RBM20: variants seen among roughly 807,000 people sequenced by gnomAD.
RBM20 encodes the protein RNA binding motif protein 20, also known as RNA-binding protein 20.
A neutral mutation model predicts 110.1 loss-of-function variants in RBM20; 51 were observed. The ratio of observed to expected loss-of-function variants is 0.46; its 90% CI spans 0.37 to 0.59. The LOEUF is 0.59. Among genes scored for constraint, RBM20 ranks in the 20% least tolerant of loss-of-function variants. The pLI is 0.00. For missense variants in RBM20, 1,512 were observed against 1,574.9 expected (o/e 0.96, Z 0.68); for synonymous variants, 589 against 618.2 (o/e 0.95, Z 0.70).
rs192209152 is a variant in RBM20 at position 110,749,502 on chromosome 10, C to T, written c.192-31299C>T. On this transcript the variant is annotated intron_variant, in intron 1 of 13. Coordinates refer to ENST00000369519, the MANE Select transcript of RBM20 (RefSeq NM_001134363.3). Reference sequence around the variant, plus strand: ...TATCATAAGTAGAATATGATATGTTCGTAGATAGGATAGCTCATTTGTGTA... The same window carrying T: ...TATCATAAGTAGAATATGATATGTTTGTAGATAGGATAGCTCATTTGTGTA... 1.3e-3 allele frequency among the ~76,000 whole-genome samples: 197 copies of T among 152,118 alleles called. 2 individuals carry two copies. The highest frequency in any genetic ancestry group is 4.6e-3 in the African/African-American group (190 of 41,512).
intron 12 of RBM20, among the ~76,000 whole-genome samples, chr10:110,828,104 A>G (rs1394580886): frequency 3.9e-5 from 6 of 152,210 alleles, no homozygotes; most frequent in African/African-American, 1.4e-4. Context: ...TGCAAAGTGC[A>G]AGCTCCCTCC....
Position 110,729,109 on chromosome 10 carries a change from G to A in RBM20, c.192-51692G>A, listed in dbSNP as rs191762857. Reference sequence around the variant, plus strand: ...CATGACAGCAATAATTTCTTCAAGCGTTCTGCTAGGTGTATAAGAAATTCA... The same window carrying A: ...CATGACAGCAATAATTTCTTCAAGCATTCTGCTAGGTGTATAAGAAATTCA... On this transcript the variant is annotated intron_variant, in intron 1 of 13. Coordinates refer to ENST00000369519, the MANE Select transcript of RBM20 (RefSeq NM_001134363.3). Among the ~76,000 whole-genome samples, 24 of 152,266 alleles carry A rather than the reference G, an allele frequency of 1.6e-4. No homozygotes were observed. In the East Asian group the frequency reaches 3.5e-3, roughly 22 times the overall value.
chr10:110,820,500 G>A (rs370070455), intron 10 of RBM20, among the ~76,000 whole-genome samples: 2 of 152,338 alleles, frequency 1.3e-5, no homozygotes, highest in East Asian at 1.9e-4. Flanking sequence ...GTCCCTTGGC[G>A]GGGATGGGGC....
chr10:110,833,390 GA>G (rs56842641), intron 13 of RBM20, among the ~76,000 whole-genome samples: 10 of 62,220 alleles, frequency 1.6e-4, no homozygotes, highest in African/African-American at 3.6e-4. Context: ...CTCTGTCTCA[GA>G]AAAAAAAAAA....
intron 1 of RBM20, among the ~76,000 whole-genome samples, chr10:110,690,613 G>A (rs1468228883): frequency 6.6e-6 from 1 of 152,058 alleles, no homozygotes; most frequent in African/African-American, 2.4e-5. Context: ...GCCTATTTTA[G>A]GTATCTCATA....
intron 1 of RBM20, among the ~76,000 whole-genome samples, chr10:110,749,402 C>T (rs2134982825): frequency 6.6e-6 from 1 of 152,016 alleles, no homozygotes; most frequent in South Asian, 2.1e-4. Context: ...AACAATAAAA[C>T]AATAGGGTAC....
At chr10:110,811,859 G>A (rs961202480) in intron 8 of RBM20, among the ~76,000 whole-genome samples, 1 of 152,150 alleles carries the variant, frequency 6.6e-6, no homozygotes, top group African/African-American at 2.4e-5. Context: ...GGCACCCAGG[G>A]TTAGGCAGCC....
chr10:110,780,964 G>T lies in RBM20; in HGVS notation c.355G>T (p.Val119Phe). ...CACCAACAACACTGCAGCCGCCACAGTCCTGAACCAAGTCCTCTCCAAAGT... is the reference window on the plus strand; with the variant it reads ...CACCAACAACACTGCAGCCGCCACATTCCTGAACCAAGTCCTCTCCAAAGT... ...AVTNNTAAATVLNQVLSKVAM... is the reference protein window; with the variant it reads ...AVTNNTAAATFLNQVLSKVAM... Residue 119 changes from valine (V) to phenylalanine (F), a missense_variant, in exon 2 of 14, where the codon GTC becomes TTC. Physicochemically the swap from Val to Phe is conservative, Grantham distance 50. This residue lies in a region of RBM20 where 1,149 missense variants were observed against 1,169.4 expected (regional missense o/e 0.98). Coordinates refer to ENST00000369519, the MANE Select transcript of RBM20 (RefSeq NM_001134363.3). 1 of 1,551,712 alleles carries T rather than the reference G, an allele frequency of 6.4e-7. No homozygotes were observed. Among genetic ancestry groups the T allele is most frequent in the South Asian group, 1.2e-5 (1 of 84,046 alleles).
chr10:110,751,239 A>C (rs1843849769), intron 1 of RBM20, among the ~76,000 whole-genome samples: 1 of 152,188 alleles, frequency 6.6e-6, no homozygotes, highest in African/African-American at 2.4e-5. Flanking sequence ...AGATGACAAG[A>C]AAGTCTGAGT....
chr10:110,818,389 T>C (rs1041591150), intron 9 of RBM20, among the ~76,000 whole-genome samples: 14 of 152,212 alleles, frequency 9.2e-5, no homozygotes, highest in African/African-American at 3.4e-4. Context: ...AGAATAGATT[T>C]TGGGGGAAGG....
At chr10:110,657,663 C>A (rs979436563) in intron 1 of RBM20, among the ~76,000 whole-genome samples, 1 of 152,104 alleles carries the variant, frequency 6.6e-6, no homozygotes, top group African/African-American at 2.4e-5. Flanking sequence ...AACTTTGGGC[C>A]TTTTACTTTG....
chr10:110,742,171 G>C (rs1434871163), intron 1 of RBM20, among the ~76,000 whole-genome samples: 1 of 152,154 alleles, frequency 6.6e-6, no homozygotes, highest in East Asian at 1.9e-4. Context: ...CTGATGTTCT[G>C]CGATTCTGCC....
chr10:110,809,979 T>C (rs1023873707), intron 7 of RBM20, among the ~76,000 whole-genome samples: 1 of 152,232 alleles, frequency 6.6e-6, no homozygotes, highest in Non-Finnish European at 1.5e-5. Flanking sequence ...GAGGCTGCAG[T>C]CAATGATCTT....
rs192808051 is a variant in RBM20 at position 110,830,961 on chromosome 10, G to A, written c.3452-100G>A. On this transcript the variant is annotated intron_variant, in intron 12 of 13. Transcript: ENST00000369519. ...CAAGGTCAACAGCAAGTGAGGGGTGGAGCTCGTGGCTCCCATTTCTACCTG... is the reference window on the plus strand; with the variant it reads ...CAAGGTCAACAGCAAGTGAGGGGTGAAGCTCGTGGCTCCCATTTCTACCTG... 3.3e-6 allele frequency: 4 copies of A among 1,213,130 alleles called. No homozygotes were observed. The East Asian group carries it at 7.9e-5, about 24-fold the overall frequency. 75.1% of individuals were successfully genotyped at this position (1,213,130 alleles called of 1,614,324 possible).
rs987603153 is a variant in RBM20, at chr10:110,738,835, G to A, written c.192-41966G>A. Among the ~76,000 whole-genome samples, 10 of 152,130 alleles carry A rather than the reference G, an allele frequency of 6.6e-5. No homozygotes were observed. In the East Asian group the frequency reaches 1.9e-3, roughly 29 times the overall value. On this transcript the variant is annotated intron_variant, in intron 1 of 13. Coordinates refer to ENST00000369519, the MANE Select transcript of RBM20 (RefSeq NM_001134363.3). ...AGGAGGTGGCGAGGCTGACATTGGGGTTGGGGCTGCAGCCTTTGTGCCTGT... is the reference window on the plus strand; with the variant it reads ...AGGAGGTGGCGAGGCTGACATTGGGATTGGGGCTGCAGCCTTTGTGCCTGT...
At chr10:110,801,727 A>G (rs1180671475) in intron 7 of RBM20, among the ~76,000 whole-genome samples, 2 of 61,582 alleles carry the variant, frequency 3.2e-5, no homozygotes, top group Admixed American at 1.7e-4. Flanking sequence ...TTTGTATTTT[A>G]ATAGAGACAG....
intron 1 of RBM20, among the ~76,000 whole-genome samples, chr10:110,684,345 GAT>G (rs1237000262): frequency 5.9e-5 from 9 of 152,070 alleles, no homozygotes; most frequent in African/African-American, 1.9e-4. Flanking sequence ...AGTGAGCCAA[GAT>G]TGTGCCATTG....
In RBM20 at chr10:110,666,017, G is replaced by GA. The variant is rs1564809572; in HGVS notation, c.191+21372_191+21373insA. Among the ~76,000 whole-genome samples, 205 of 148,634 alleles carry GA rather than the reference G, an allele frequency of 1.4e-3. 1 individual carries two copies. The highest frequency in any genetic ancestry group is 4.5e-3 in the African/African-American group (184 of 40,504). Reference sequence around the variant, plus strand: ...AGAAAGAGAGAGAGAGAGAGAGAGAGGGGAAGGAAGGAAGGAAGGAAAGAA... The same window carrying GA: ...AGAAAGAGAGAGAGAGAGAGAGAGAGAGGGAAGGAAGGAAGGAAGGAAAGAA... On this transcript the variant is annotated intron_variant, in intron 1 of 13. Coordinates refer to ENST00000369519, the MANE Select transcript of RBM20 (RefSeq NM_001134363.3).
chr10:110,822,389 TGTTCCCCTTCTTACTACCTCAG>T (rs1230059330), intron 11 of RBM20: 1 of 459,308 alleles, frequency 2.2e-6, no homozygotes, highest in Non-Finnish European at 4.4e-6. Context: ...AGGGTACAGC[TGTTCCCCTTCTTACTACCTCAG>T]ACCCATTTTT....
Sources: allele counts gnomAD v4.1 joint callset (sites outside exome capture counted in the v4.1 genomes callset), GRCh38; gene constraint gnomAD v4.1.1; regional missense constraint gnomAD v4.1.1; transcripts MANE v1.5; gene names NCBI Gene and HGNC (gene_info 2026-07-23, HGNC 2026-07-21).